EPM2A: variants seen among roughly 807,000 people sequenced by gnomAD.
EPM2A encodes EPM2A glucan phosphatase, laforin.
Under a neutral mutation model 26.5 loss-of-function variants are expected in EPM2A, and 21 were observed. That is an observed-to-expected ratio of 0.79 (90% CI 0.56 to 1.14). The LOEUF (loss-of-function observed/expected upper bound fraction) is 1.14. Ranked by LOEUF, EPM2A falls within the 50% of genes most tolerant of loss-of-function variation. The probability of loss-of-function intolerance (pLI) is 0.00; values close to 1 mark genes in which losing one functional copy is unlikely to be tolerated. For synonymous variants in EPM2A, 217 were observed against 177.6 expected, an observed-to-expected ratio of 1.22 and a Z score of -1.76; for missense variants, 458 against 440.8, an observed-to-expected ratio of 1.04 and a Z score of -0.35.
chr6:145,673,494 A>C (rs1779801490), intron 2 of EPM2A, among the ~76,000 whole-genome samples: 1 of 152,186 alleles, frequency 6.6e-6, no homozygotes, highest in Non-Finnish European at 1.5e-5. Context: ...AGGAAGTGCA[A>C]GGGGTAGGGG....
intron 2 of EPM2A, among the ~76,000 whole-genome samples, chr6:145,589,761 C>A (rs376858891): frequency 2.6e-3 from 390 of 151,836 alleles, no homozygotes; most frequent in African/African-American, 8.6e-3. Flanking sequence ...TCCAAAAGAC[C>A]ACCAGCAGCC....
chr6:145,706,611 T>C (rs1782236384), intron 1 of EPM2A, among the ~76,000 whole-genome samples: 1 of 152,154 alleles, frequency 6.6e-6, no homozygotes, highest in Non-Finnish European at 1.5e-5. Flanking sequence ...CAACTATACC[T>C]ACAATGCACT....
At chr6:145,630,430 T>C (rs1329308461) in intron 3 of EPM2A, 1 of 151,500 alleles carries the variant, frequency 6.6e-6, no homozygotes, top group Non-Finnish European at 1.5e-5. Flanking sequence ...CTGGCCAACA[T>C]GGTAAAACCT....
chr6:145,539,191 G>T (rs137956666), intron 2 of EPM2A, among the ~76,000 whole-genome samples: 298 of 152,310 alleles, frequency 2.0e-3, no homozygotes, highest in Non-Finnish European at 3.3e-3. Flanking sequence ...CAATGCTGCT[G>T]CCAAAACTGT....
intron 2 of EPM2A, chr6:145,670,995 T>C: frequency 3.0e-6 from 3 of 984,786 alleles, no homozygotes; most frequent in Non-Finnish European, 3.6e-6. Context: ...TCTTAAGATT[T>C]AAAAGAATCT....
intron 2 of EPM2A, among the ~76,000 whole-genome samples, chr6:145,508,304 T>C (rs564338195): frequency 6.6e-6 from 1 of 152,344 alleles, no homozygotes; most frequent in South Asian, 2.1e-4. Flanking sequence ...TTCATGCTTC[T>C]CCATTGTTTC....
At chr6:145,674,192 G>A (rs1246339578) in intron 2 of EPM2A, among the ~76,000 whole-genome samples, 1 of 152,186 alleles carries the variant, frequency 6.6e-6, no homozygotes, top group African/African-American at 2.4e-5. Flanking sequence ...CAACAGACCT[G>A]AAGCTGAGGG....
chr6:145,393,286 A>G (rs563403833), intron 4 of EPM2A, among the ~76,000 whole-genome samples: 2 of 152,298 alleles, frequency 1.3e-5, no homozygotes, highest in South Asian at 4.1e-4. Flanking sequence ...CACATTAAGC[A>G]GAATCAGGGG....
intron 2 of EPM2A, among the ~76,000 whole-genome samples, chr6:145,543,267 A>C (rs1158803758): frequency 6.6e-6 from 1 of 152,176 alleles, no homozygotes; most frequent in Non-Finnish European, 1.5e-5. Context: ...AATACAGTCA[A>C]AATAAATTAC....
At chr6:145,392,560 C>T (rs1778352048) in intron 4 of EPM2A, among the ~76,000 whole-genome samples, 1 of 152,092 alleles carries the variant, frequency 6.6e-6, no homozygotes, top group Admixed American at 6.6e-5. Flanking sequence ...CAACCCTTCT[C>T]CTTGCCCCCT....
intron 4 of EPM2A, among the ~76,000 whole-genome samples, chr6:145,393,829 CT>C (rs1282770683): frequency 1.4e-3 from 64 of 45,416 alleles, no homozygotes; most frequent in Admixed American, 1.5e-3. Flanking sequence ...ATTTTTTTTT[CT>C]TTTTTTTTTT....
chr6:145,539,750 T>C (rs1780481949), intron 2 of EPM2A, among the ~76,000 whole-genome samples: 1 of 152,198 alleles, frequency 6.6e-6, no homozygotes, highest in African/African-American at 2.4e-5. Context: ...CGTATTTTGA[T>C]GCTTTGATGT....
chr6:145,592,033 T>C (rs2128548064), intron 2 of EPM2A, among the ~76,000 whole-genome samples: 1 of 152,250 alleles, frequency 6.6e-6, no homozygotes, highest in East Asian at 1.9e-4. Flanking sequence ...AATTATACTT[T>C]AAGTTGTAGG....
intron 2 of EPM2A, among the ~76,000 whole-genome samples, chr6:145,591,914 C>T (rs981057548): frequency 2.0e-5 from 3 of 151,136 alleles, no homozygotes; most frequent in Non-Finnish European, 4.4e-5. Context: ...AAAAAAGAAA[C>T]TGGGAATATT....
At chr6:145,416,560 C>A (rs1256442926) in intron 4 of EPM2A, among the ~76,000 whole-genome samples, 2 of 151,936 alleles carry the variant, frequency 1.3e-5, no homozygotes, top group African/African-American at 4.8e-5. Context: ...TGGCAGAAAG[C>A]CTGAGGAATA....
intron 4 of EPM2A, among the ~76,000 whole-genome samples, chr6:145,415,689 TG>T (rs1362015778): frequency 6.6e-6 from 1 of 152,224 alleles, no homozygotes; most frequent in African/African-American, 2.4e-5. Flanking sequence ...TACAAAGTAC[TG>T]TAATGTACAT....
chr6:145,564,864 G>A lies in EPM2A; in HGVS notation c.341-62289C>T, dbSNP rs975246717. ...TCAGAGCCAGATCTTACATTCAGCT[G>A]GAAGGGGATCTAGCTACCCTGCAGC... On this transcript the variant is annotated intron_variant, in intron 2 of 3. Transcript: ENST00000450221. Among the ~76,000 whole-genome samples the A allele has an allele frequency of 1.5e-3, 227 of 152,126 alleles. 1 individual carries two copies. Among genetic ancestry groups the A allele is most frequent in the African/African-American group, 5.2e-3 (217 of 41,506 alleles).
intron 1 of EPM2A, among the ~76,000 whole-genome samples, chr6:145,728,235 G>C (rs1776308012): frequency 6.6e-6 from 1 of 152,152 alleles, no homozygotes; most frequent in African/African-American, 2.4e-5. Flanking sequence ...TCTGGGAAGA[G>C]GTGCATTACT....
chr6:145,576,070 A>T (rs559940405), intron 2 of EPM2A, among the ~76,000 whole-genome samples: 1 of 152,264 alleles, frequency 6.6e-6, no homozygotes, highest in East Asian at 1.9e-4. Context: ...TCCTGACCTC[A>T]GGTGATCCAC....
Sources: allele counts gnomAD v4.1 joint callset (sites outside exome capture counted in the v4.1 genomes callset), GRCh38; gene constraint gnomAD v4.1.1; transcripts MANE v1.5; gene names NCBI Gene and HGNC (gene_info 2026-07-23, HGNC 2026-07-21).